The following FTO variants were observed in gnomAD, a reference collection of about 807,000 sequenced individuals.
FTO encodes the protein FTO alpha-ketoglutarate dependent dioxygenase.
FTO carries 47 observed loss-of-function variants against 63.9 expected under a neutral mutation model. The ratio of observed to expected loss-of-function variants is 0.74; its 90% confidence interval spans 0.58 to 0.94. FTO has a LOEUF of 0.94. FTO is among the 40% of genes least tolerant of loss of function. The pLI is 0.00. For missense variants in FTO, 562 were observed against 618.1 expected (o/e 0.91, Z 0.96); for synonymous variants, 207 against 224.4 (o/e 0.92, Z 0.69).
At chr16:53,826,590 C>A in intron 3 of FTO, 99 bp downstream of exon 3, 1 of 1,185,642 alleles carries the variant, frequency 8.4e-7, no homozygotes, top group Non-Finnish European at 1.2e-6. Flanking sequence ...AACATGTTTG[C>A]ATGTGTGCTT....
At chr16:54,040,851 C>G (rs1313110775) in intron 8 of FTO, 1 of 152,164 alleles carries the variant, frequency 6.6e-6, no homozygotes, top group African/African-American at 2.4e-5. Context: ...GAAAGCTAAA[C>G]ACTGACTTTT....
At chr16:53,717,840 C>T (rs1408559904) in intron 1 of FTO, among the ~76,000 whole-genome samples, 1 of 152,044 alleles carries the variant, frequency 6.6e-6, no homozygotes, top group African/African-American at 2.4e-5. Context: ...CTTAAATAAT[C>T]AGATCTGCTT....
intron 4 of FTO, among the ~76,000 whole-genome samples, chr16:53,848,832 G>A (rs1567357223): frequency 6.6e-6 from 1 of 152,096 alleles, no homozygotes; most frequent in Non-Finnish European, 1.5e-5. Context: ...TGAGTGCTAG[G>A]TAAACATTTG....
intron 8 of FTO, among the ~76,000 whole-genome samples, chr16:54,052,131 T>C (rs2085326764): frequency 1.3e-5 from 2 of 152,174 alleles, no homozygotes. Flanking sequence ...ACTTCATGGT[T>C]ATGGGCATGT....
At chr16:54,078,142 C>G (rs575953402) in intron 8 of FTO, among the ~76,000 whole-genome samples, 1 of 151,906 alleles carries the variant, frequency 6.6e-6, no homozygotes, top group Admixed American at 6.6e-5. Context: ...ACAAAATCTT[C>G]CGTTGGTCTA....
chr16:54,111,620 A>G, intron 8 of FTO, 142 bp from the exon 9 acceptor site: 1 of 853,086 alleles, frequency 1.2e-6, no homozygotes, highest in Non-Finnish European at 2.0e-6. Context: ...TTCCACCTGT[A>G]GATTCATTCA....
chr16:54,100,884 C>T (rs868200398), intron 8 of FTO, among the ~76,000 whole-genome samples: 2 of 152,074 alleles, frequency 1.3e-5, no homozygotes, highest in African/African-American at 4.8e-5. Flanking sequence ...TGGTGGATCC[C>T]GCACACTGTA....
chr16:54,012,419 G>A (rs957414763), intron 8 of FTO, among the ~76,000 whole-genome samples: 3 of 152,224 alleles, frequency 2.0e-5, no homozygotes, highest in Admixed American at 1.3e-4. Flanking sequence ...CATAACATAA[G>A]TGCAAGATGA....
chr16:54,052,757 C>T (rs2085342117), intron 8 of FTO: 1 of 152,196 alleles, frequency 6.6e-6, no homozygotes, highest in East Asian at 1.9e-4. Context: ...GCTCTGTTGC[C>T]CACGTTGGAG....
At chr16:53,985,676 G>A (rs1239398772) in intron 8 of FTO, among the ~76,000 whole-genome samples, 3 of 152,144 alleles carry the variant, frequency 2.0e-5, no homozygotes, top group Non-Finnish European at 4.4e-5. Flanking sequence ...TGTAGGGCCC[G>A]AGTGATTTTT....
chr16:53,843,794 T>G (rs1223559799), intron 3 of FTO, among the ~76,000 whole-genome samples: 1 of 151,096 alleles, frequency 6.6e-6, no homozygotes, highest in Non-Finnish European at 1.5e-5. Context: ...TCTCTTTACA[T>G]CTGTTTTTTA....
intron 8 of FTO, among the ~76,000 whole-genome samples, chr16:53,967,857 C>T (rs1025419548): frequency 1.4e-4 from 21 of 152,166 alleles, no homozygotes; most frequent in South Asian, 6.2e-4. Flanking sequence ...CCGGTTTTGA[C>T]GGTTGTGCTT....
At chr16:53,865,653 T>C (rs2080291120) in intron 4 of FTO, among the ~76,000 whole-genome samples, 1 of 152,154 alleles carries the variant, frequency 6.6e-6, no homozygotes. Flanking sequence ...CTGCTTATCG[T>C]CTCCTCCCCT....
At chr16:53,892,051 C>T (rs376878437) in intron 7 of FTO, among the ~76,000 whole-genome samples, 2 of 151,990 alleles carry the variant, frequency 1.3e-5, no homozygotes, top group African/African-American at 2.4e-5. Context: ...TTGCTTCAAG[C>T]CTTTTACAGT....
intron 1 of FTO, among the ~76,000 whole-genome samples, chr16:53,742,469 A>G (rs898056287): frequency 6.6e-6 from 1 of 152,176 alleles, no homozygotes; most frequent in Non-Finnish European, 1.5e-5. Flanking sequence ...GGTATCTACT[A>G]TCCCTGCCTT....
At chr16:53,793,945 G>GCTA (rs1315836037) in intron 1 of FTO, among the ~76,000 whole-genome samples, 1 of 152,138 alleles carries the variant, frequency 6.6e-6, no homozygotes, top group East Asian at 1.9e-4. Flanking sequence ...TCACAAAAGA[G>GCTA]CTACTGCAAA....
At chr16:54,058,831 T>A (rs1473114558) in intron 8 of FTO, among the ~76,000 whole-genome samples, 6 of 152,250 alleles carry the variant, frequency 3.9e-5, no homozygotes, top group African/African-American at 1.4e-4. Context: ...AATAAATAAA[T>A]AAAAAATCTG....
intron 8 of FTO, among the ~76,000 whole-genome samples, chr16:53,945,316 C>G (rs2143439063): frequency 6.6e-6 from 1 of 152,266 alleles, no homozygotes; most frequent in African/African-American, 2.4e-5. Flanking sequence ...TCACTGTGTT[C>G]CAGACAGAGT....
At chr16:53,926,497 G>C (rs1008911733) in intron 7 of FTO, among the ~76,000 whole-genome samples, 1 of 152,152 alleles carries the variant, frequency 6.6e-6, no homozygotes, top group Non-Finnish European at 1.5e-5. Context: ...GGACCCTTCT[G>C]GTCTAATGGA....
Sources: allele counts gnomAD v4.1 joint callset (sites outside exome capture counted in the v4.1 genomes callset), GRCh38; gene constraint gnomAD v4.1.1; transcripts MANE v1.5; gene names NCBI Gene and HGNC (gene_info 2026-07-23, HGNC 2026-07-21).